The following IL1RAPL2 variants were observed in gnomAD, a reference collection of about 807,000 sequenced individuals.
IL1RAPL2 encodes X-linked interleukin-1 receptor accessory protein-like 2.
A neutral mutation model predicts 44.1 loss-of-function variants in IL1RAPL2; 3 were observed. The ratio of observed to expected loss-of-function variants is 0.07; its 90% CI spans 0.03 to 0.18. The LOEUF (loss-of-function observed/expected upper bound fraction) is 0.18, where lower values mean the gene tolerates loss of function less well. IL1RAPL2 is among the 10% of genes least tolerant of loss of function. IL1RAPL2 has a pLI of 1.00. For synonymous variants in IL1RAPL2, 181 were observed against 178.8 expected (o/e 1.01, Z -0.10); for missense variants, 391 against 496.4 (o/e 0.79, Z 2.02).
chrX:105,219,249 G>T (rs1374311823), intron 3 of IL1RAPL2: 1 of 1,208,729 alleles, frequency 8.3e-7, no homozygotes, highest in East Asian at 3.0e-5. Context: ...GGGATATAGT[G>T]GGTATGTCTG....
chrX:105,740,716 ATGGTT>A, intron 8 of IL1RAPL2, 25 bp downstream of exon 8: 1 of 1,176,779 alleles, frequency 8.5e-7, no homozygotes, highest in Non-Finnish European at 1.2e-6. Flanking sequence ...AACTATAACT[ATGGTT>A]TGCTTAGCTA....
At chrX:104,797,568 T>C (rs2061334521) in intron 2 of IL1RAPL2, among the ~76,000 whole-genome samples, 1 of 112,163 alleles carries the variant, frequency 8.9e-6, no homozygotes, top group Non-Finnish European at 1.9e-5. Flanking sequence ...TGTTTAACTT[T>C]GTTTAATCTA....
chrX:105,532,344 G>A (rs1224741972), intron 6 of IL1RAPL2, among the ~76,000 whole-genome samples: 1 of 111,443 alleles, frequency 9.0e-6, no homozygotes, highest in Non-Finnish European at 1.9e-5. Flanking sequence ...ATATCTAATT[G>A]TTCACTCCTA....
intron 5 of IL1RAPL2, among the ~76,000 whole-genome samples, chrX:105,408,514 A>C (rs1205832176): frequency 1.8e-5 from 2 of 111,118 alleles, no homozygotes; most frequent in African/African-American, 6.5e-5. Flanking sequence ...ACATATGCAA[A>C]GCTTTCCTTA....
intron 2 of IL1RAPL2, among the ~76,000 whole-genome samples, chrX:105,031,584 G>A (rs982581331): frequency 1.8e-5 from 2 of 111,843 alleles, no homozygotes; most frequent in African/African-American, 6.5e-5. Flanking sequence ...TTGCATCCCA[G>A]GGATGAAGCC....
intron 2 of IL1RAPL2, among the ~76,000 whole-genome samples, chrX:105,057,173 C>T (rs1469819103): frequency 8.9e-6 from 1 of 112,074 alleles, no homozygotes; most frequent in Non-Finnish European, 1.9e-5. Context: ...TTTTGTTAGA[C>T]AATTCAATTA....
At chrX:104,798,959 A>T (rs1932868289) in intron 2 of IL1RAPL2, among the ~76,000 whole-genome samples, 1 of 111,278 alleles carries the variant, frequency 9.0e-6, no homozygotes, top group Admixed American at 9.6e-5. Context: ...GAAATATGAC[A>T]TCCAACTAAT....
intron 2 of IL1RAPL2, among the ~76,000 whole-genome samples, chrX:104,722,981 T>C (rs992633412): frequency 9.0e-5 from 10 of 111,204 alleles, no homozygotes; most frequent in Non-Finnish European, 1.7e-4. Context: ...AAGGAGAAGG[T>C]AAGAAATAGG....
intron 2 of IL1RAPL2, among the ~76,000 whole-genome samples, chrX:104,804,886 T>A (rs183314561): frequency 1.8e-5 from 2 of 112,288 alleles, no homozygotes; most frequent in East Asian, 5.6e-4. Context: ...AAAAATTAGG[T>A]AACACAGGAG....
intron 3 of IL1RAPL2, among the ~76,000 whole-genome samples, chrX:105,217,027 C>G (rs2033865533): frequency 9.2e-6 from 1 of 108,278 alleles, no homozygotes; most frequent in Admixed American, 9.9e-5. Context: ...CAATACCATT[C>G]AGGACATAGG....
intron 2 of IL1RAPL2, among the ~76,000 whole-genome samples, chrX:105,191,462 A>G (rs144472971): frequency 0.047 from 5,282 of 111,612 alleles, 308 homozygotes; most frequent in African/African-American, 0.16. Flanking sequence ...TGATCTGCCC[A>G]CCTCAGCCTC....
chrX:104,761,926 T>TCTCCTTCTCCTTCTCCTTCTC (rs1569309900), intron 2 of IL1RAPL2, among the ~76,000 whole-genome samples: 1 of 33,782 alleles, frequency 3.0e-5, no homozygotes, highest in Admixed American at 3.3e-4. Flanking sequence ...TCCTTCTCCT[T>TCTCCTTCTCCTTCTCCTTCTC]CTTCTTCTTC....
intron 7 of IL1RAPL2, among the ~76,000 whole-genome samples, chrX:105,717,930 A>T: frequency 8.9e-6 from 1 of 112,208 alleles, no homozygotes; most frequent in South Asian, 3.7e-4. Flanking sequence ...CTCTTGTTGA[A>T]TACTGTTTAT....
At position 105,404,001 on chromosome X, in the gene IL1RAPL2, G is replaced by A. The variant is rs181849798; in HGVS notation, c.698-80312G>A. ...TTAGAAGGCAAACTTCTTATAGATG[G>A]TATACAGCCTGGTGCTTCTCCCTTC... On this transcript the variant is annotated intron_variant, in intron 5 of 10. Coordinates refer to ENST00000372582, the MANE Select transcript of IL1RAPL2 (RefSeq NM_017416.2). Among the ~76,000 whole-genome samples, 19 of 112,173 alleles carry A rather than the reference G, an allele frequency of 1.7e-4. No homozygotes were observed. The East Asian group carries it at 4.5e-3, about 27-fold the overall frequency.
At chrX:105,119,089 C>A (rs934653543) in intron 2 of IL1RAPL2, among the ~76,000 whole-genome samples, 1 of 111,410 alleles carries the variant, frequency 9.0e-6, no homozygotes, top group Admixed American at 9.5e-5. Context: ...TTTTTAGTTA[C>A]AAGCTCCATC....
chrX:104,607,480 T>C (rs1444980879), intron 1 of IL1RAPL2, among the ~76,000 whole-genome samples: 1 of 111,968 alleles, frequency 8.9e-6, no homozygotes, highest in African/African-American at 3.2e-5. Context: ...AATTTTGCAA[T>C]CTATACATCT....
chrX:105,512,417 T>G (rs2036477307), intron 6 of IL1RAPL2, among the ~76,000 whole-genome samples: 1 of 111,689 alleles, frequency 9.0e-6, no homozygotes, highest in African/African-American at 3.3e-5. Context: ...AACTGTGGCT[T>G]TTCTTTTATT....
At chrX:105,130,067 A>C (rs2033012547) in intron 2 of IL1RAPL2, among the ~76,000 whole-genome samples, 1 of 110,665 alleles carries the variant, frequency 9.0e-6, no homozygotes, top group Admixed American at 9.6e-5. Context: ...TCTTCACAAA[A>C]CCCCTATAAG....
chrX:104,862,017 G>C (rs1482850553), intron 2 of IL1RAPL2, among the ~76,000 whole-genome samples: 1 of 110,400 alleles, frequency 9.1e-6, no homozygotes, highest in African/African-American at 3.3e-5. Flanking sequence ...CAAACGGAAG[G>C]GGGAGGCATT....
Sources: gnomAD v4.1 joint callset for allele counts (sites outside exome capture counted in the v4.1 genomes callset) on GRCh38, gnomAD v4.1.1 for gene constraint, MANE v1.5 for transcripts, NCBI Gene and HGNC (gene_info 2026-07-23, HGNC 2026-07-21) for gene names.